The following COL26A1 variants were observed in gnomAD, a reference collection of about 807,000 sequenced individuals.
COL26A1 encodes collagen alpha-1(XXVI) chain.
In COL26A1, 41 loss-of-function variants were observed where a neutral mutation model predicts 59.3. The observed-to-expected ratio is 0.69, with a 90% CI of 0.54 to 0.90. The LOEUF (loss-of-function observed/expected upper bound fraction) is 0.90, where lower values mean the gene tolerates loss of function less well. Ranked by LOEUF, COL26A1 falls within the 40% of genes least tolerant of loss-of-function variation. The pLI is 0.00. For missense variants in COL26A1, 612 were observed against 602.3 expected (o/e 1.02, Z -0.17); for synonymous variants, 266 against 256.0 (o/e 1.04, Z -0.37).
At chr7:101,482,458 G>A (rs2130495980) in intron 3 of COL26A1, among the ~76,000 whole-genome samples, 1 of 152,312 alleles carries the variant, frequency 6.6e-6, no homozygotes, top group African/African-American at 2.4e-5. Flanking sequence ...AATAAAATGA[G>A]AAGTGAGTGC....
At chr7:101,543,659 G>A (rs1336352035) in intron 5 of COL26A1, among the ~76,000 whole-genome samples, 1 of 152,202 alleles carries the variant, frequency 6.6e-6, no homozygotes, top group African/African-American at 2.4e-5. Context: ...CAGAGAGACA[G>A]CAGGGTGTGA....
chr7:101,544,070 G>A lies in COL26A1; in HGVS notation c.677G>A (p.Gly226Glu), dbSNP rs1040267985. Residue 226 changes from glycine to glutamate, a missense_variant, in exon 6 of 13, where the codon GGA becomes GAA. Physicochemically the swap from Gly to Glu is moderately conservative, Grantham distance 98. Transcript: ENST00000313669. ...TCTAAAGGTGACCGAGGCCAGACAGGAGAGAAGGGTCCAGCGGGGCCGCCT... is the reference window on the plus strand; with the variant it reads ...TCTAAAGGTGACCGAGGCCAGACAGAAGAGAAGGGTCCAGCGGGGCCGCCT... ...PGSKGDRGQT[G>E]EKGPAGPPGL... 13 of 1,606,212 alleles carry A rather than the reference G, an allele frequency of 8.1e-6. No individual in the cohort carries two copies. The highest frequency in any genetic ancestry group is 1.0e-5 in the Non-Finnish European group (12 of 1,176,948).
Position 101,556,643 on chromosome 7 carries a change from GTGAA to G in COL26A1, c.1166-724_1166-721del, listed in dbSNP as rs758827505. Among the ~76,000 whole-genome samples, 107 of 151,674 alleles carry G rather than the reference GTGAA, an allele frequency of 7.1e-4. No homozygotes were observed. The Middle Eastern group carries it at 0.017, about 24-fold the overall frequency. Reference sequence around the variant, plus strand: ...AGTGGACAGGTGGGTGGGTGAATGAGTGAATGGATGGATGGATGGATGATGGATG... The same window carrying G: ...AGTGGACAGGTGGGTGGGTGAATGAGTGGATGGATGGATGGATGATGGATG... On this transcript the variant is annotated intron_variant, in intron 12 of 12. Transcript: ENST00000313669.
intron 5 of COL26A1, 36 bp downstream of exon 5, chr7:101,540,085 G>T: frequency 6.3e-7 from 1 of 1,581,132 alleles, no homozygotes; most frequent in Non-Finnish European, 8.6e-7. Context: ...GGCTGGGGCA[G>T]CCGAAGGGAC....
At chr7:101,554,847 C>G (rs1231796070) in intron 11 of COL26A1, among the ~76,000 whole-genome samples, 1 of 152,200 alleles carries the variant, frequency 6.6e-6, no homozygotes, top group Admixed American at 6.5e-5. Flanking sequence ...TGCTCCTTCT[C>G]TGAGTTGGGG....
At chr7:101,507,760 T>G (rs1356059081) in intron 3 of COL26A1, among the ~76,000 whole-genome samples, 1 of 151,942 alleles carries the variant, frequency 6.6e-6, no homozygotes, top group Non-Finnish European at 1.5e-5. Flanking sequence ...CAGAACTGTC[T>G]CAGCAACCTC....
intron 3 of COL26A1, among the ~76,000 whole-genome samples, chr7:101,461,192 T>C (rs1793601838): frequency 6.6e-6 from 1 of 152,104 alleles, no homozygotes; most frequent in Non-Finnish European, 1.5e-5. Flanking sequence ...GGTCTCTCTA[T>C]GTTGCCAAGG....
rs1792887031 is a variant in COL26A1, at chr7:101,435,234, G to C, written c.282-12450G>C. 2.0e-5 allele frequency among the ~76,000 whole-genome samples: 3 copies of C among 152,204 alleles called. No individual in the cohort carries two copies. The South Asian group carries it at 6.2e-4, about 32-fold the overall frequency. ...CTCAGGAGGCTGAGACAGAAGACGT[G>C]CTCAAACCCGGGAGGCAGAGGTTGC... On this transcript the variant is annotated intron_variant, in intron 2 of 12. Transcript: ENST00000313669.
chr7:101,413,841 AG>A (rs1792304936), intron 1 of COL26A1, among the ~76,000 whole-genome samples: 1 of 152,104 alleles, frequency 6.6e-6, no homozygotes, highest in Non-Finnish European at 1.5e-5. Context: ...TCCTTCCAGG[AG>A]GGTCGTGAAA....
At chr7:101,531,291 A>T (rs899152572) in intron 3 of COL26A1, among the ~76,000 whole-genome samples, 6 of 152,142 alleles carry the variant, frequency 3.9e-5, no homozygotes, top group Admixed American at 6.6e-5. Context: ...TTTCTTTATC[A>T]GCCCTTTCCT....
intron 3 of COL26A1, among the ~76,000 whole-genome samples, chr7:101,452,247 C>T (rs1793357288): frequency 6.6e-6 from 1 of 152,084 alleles, no homozygotes; most frequent in Non-Finnish European, 1.5e-5. Context: ...AACACAGTAG[C>T]CCATGGCAGC....
At chr7:101,480,430 A>G (rs1794130505) in intron 3 of COL26A1, among the ~76,000 whole-genome samples, 1 of 151,584 alleles carries the variant, frequency 6.6e-6, no homozygotes, top group African/African-American at 2.4e-5. Context: ...GTCATATTTT[A>G]TTTCATATTA....
At chr7:101,403,282 C>A (rs1402427553) in intron 1 of COL26A1, among the ~76,000 whole-genome samples, 1 of 152,074 alleles carries the variant, frequency 6.6e-6, no homozygotes, top group Non-Finnish European at 1.5e-5. Context: ...GGAGTGGGGG[C>A]CTTCTTGTGT....
chr7:101,371,607 C>A (rs1762777429), intron 1 of COL26A1, among the ~76,000 whole-genome samples: 1 of 150,058 alleles, frequency 6.7e-6, no homozygotes. Flanking sequence ...GAAATATAGT[C>A]AGACCCTGTC....
chr7:101,381,686 C>T (rs564053567), intron 1 of COL26A1, among the ~76,000 whole-genome samples: 49 of 152,294 alleles, frequency 3.2e-4, no homozygotes, highest in African/African-American at 1.1e-3. Context: ...CTTTTATGAC[C>T]TAAACATCTT....
intron 3 of COL26A1, among the ~76,000 whole-genome samples, chr7:101,490,112 T>A (rs1794426428): frequency 2.0e-5 from 3 of 151,288 alleles, no homozygotes; most frequent in Non-Finnish European, 2.9e-5. Flanking sequence ...AATTTTTGTA[T>A]TTTTCAGTAG....
chr7:101,514,055 G>C (rs778897245), intron 3 of COL26A1, among the ~76,000 whole-genome samples: 1 of 152,110 alleles, frequency 6.6e-6, no homozygotes, highest in African/African-American at 2.4e-5. Context: ...CCACAACAAG[G>C]CTCGGCACGG....
intron 1 of COL26A1, among the ~76,000 whole-genome samples, chr7:101,406,360 C>T (rs1792129073): frequency 6.6e-6 from 1 of 152,138 alleles, no homozygotes; most frequent in South Asian, 2.1e-4. Flanking sequence ...CTCGGCTATT[C>T]CTATGTGAAC....
intron 7 of COL26A1, 105 bp downstream of exon 7, chr7:101,545,595 C>T: frequency 8.0e-7 from 1 of 1,244,918 alleles, no homozygotes; most frequent in Non-Finnish European, 1.1e-6. Context: ...CACCACATGC[C>T]CATCCTGCTG....
Sources: gnomAD v4.1 joint callset for allele counts (sites outside exome capture counted in the v4.1 genomes callset) on GRCh38, gnomAD v4.1.1 for gene constraint, MANE v1.5 for transcripts, NCBI Gene and HGNC (gene_info 2026-07-23, HGNC 2026-07-21) for gene names.